ZFYVE28: variants seen among roughly 807,000 people sequenced by gnomAD.
ZFYVE28 encodes the protein zinc finger FYVE-type containing 28.
Under a neutral mutation model 82.1 loss-of-function variants are expected in ZFYVE28, and 40 were observed. The ratio of observed to expected loss-of-function variants is 0.49; its 90% confidence interval spans 0.38 to 0.63. The LOEUF is 0.63. Ranked by LOEUF, ZFYVE28 falls within the 30% of genes least tolerant of loss-of-function variation. The pLI is 0.00. For synonymous variants in ZFYVE28, 612 were observed against 546.1 expected (o/e 1.12, Z -1.68); for missense variants, 1,321 against 1,242.1 (o/e 1.06, Z -0.96).
chr4:2,299,508 C>A (rs1356953384), intron 8 of ZFYVE28, among the ~76,000 whole-genome samples: 1 of 146,320 alleles, frequency 6.8e-6, no homozygotes, highest in Non-Finnish European at 1.5e-5. Flanking sequence ...AATCTCAGCA[C>A]CTTGGGAGGC....
intron 1 of ZFYVE28, among the ~76,000 whole-genome samples, chr4:2,379,882 G>A (rs1034382555): frequency 6.6e-6 from 1 of 151,922 alleles, no homozygotes; most frequent in Non-Finnish European, 1.5e-5. Context: ...CCATCTCCCG[G>A]GTTCAAGCAA....
chr4:2,414,509 C>T (rs1732837306), intron 1 of ZFYVE28, among the ~76,000 whole-genome samples: 1 of 152,122 alleles, frequency 6.6e-6, no homozygotes, highest in African/African-American at 2.4e-5. Flanking sequence ...GGTTAATAGC[C>T]CCCACTCTGA....
chr4:2,308,674 A>AG (rs1560182339), intron 7 of ZFYVE28, among the ~76,000 whole-genome samples: 39 of 108,012 alleles, frequency 3.6e-4, no homozygotes, highest in African/African-American at 1.3e-3. Context: ...AGAAAGAAAG[A>AG]AAGAGAAAGA....
chr4:2,418,593 C>G lies in ZFYVE28; in HGVS notation c.-270G>C, dbSNP rs1362092469. 1 of 153,652 alleles carries G rather than the reference C, an allele frequency of 6.5e-6. No individual in the cohort carries two copies. Among genetic ancestry groups the G allele is most frequent in the East Asian group, 1.9e-4 (1 of 5,298 alleles). 9.5% of individuals were successfully genotyped at this position (153,652 alleles called of 1,614,324 possible). On this transcript the variant is annotated 5_prime_UTR_variant, in exon 1 of 13. Coordinates refer to ENST00000290974, the MANE Select transcript of ZFYVE28 (RefSeq NM_020972.3). The surrounding 1 kb of genome is among the most constrained non-coding windows in gnomAD (Gnocchi z 4.6). ...TCGGGCGCACGGACAGACGCGGGCA[C>G]GGGGGCGCGCGGCTCCTCGCTGCTC...
chr4:2,279,581 C>T (rs1711649112), intron 8 of ZFYVE28, among the ~76,000 whole-genome samples: 1 of 152,106 alleles, frequency 6.6e-6, no homozygotes, highest in African/African-American at 2.4e-5. Flanking sequence ...AGATCGAGAC[C>T]ATCCTGGCTA....
intron 7 of ZFYVE28, among the ~76,000 whole-genome samples, chr4:2,309,543 T>G (rs1717184729): frequency 6.6e-6 from 1 of 152,272 alleles, no homozygotes; most frequent in Non-Finnish European, 1.5e-5. Flanking sequence ...AAGATGCTCC[T>G]GAGTTTCCTA....
intron 1 of ZFYVE28, among the ~76,000 whole-genome samples, chr4:2,400,443 C>T (rs1195995442): frequency 6.6e-6 from 1 of 151,346 alleles, no homozygotes; most frequent in Non-Finnish European, 1.5e-5. Context: ...CACCGCAATT[C>T]GACAGTAGCC....
rs1390725344 is a variant in ZFYVE28 at position 2,339,910 on chromosome 4, G to A, written c.319-255C>T. 2.0e-5 allele frequency among the ~76,000 whole-genome samples: 3 copies of A among 150,444 alleles called. No individual in the cohort carries two copies. Among genetic ancestry groups the A allele is most frequent in the Non-Finnish European group, 3.0e-5 (2 of 67,264 alleles). Reference sequence around the variant, plus strand: ...GAGCAGGGAGGGCAGGGCATGGCAGGGCAGGTAAGGGCAGGGGAGGGGAGG... The same window carrying A: ...GAGCAGGGAGGGCAGGGCATGGCAGAGCAGGTAAGGGCAGGGGAGGGGAGG... On this transcript the variant is annotated intron_variant, in intron 3 of 12. Coordinates refer to ENST00000290974, the MANE Select transcript of ZFYVE28 (RefSeq NM_020972.3). The surrounding 1 kb of genome is among the most constrained non-coding windows in gnomAD (Gnocchi z 5.0).
intron 6 of ZFYVE28, among the ~76,000 whole-genome samples, chr4:2,323,827 A>G (rs1206750153): frequency 6.6e-6 from 1 of 151,692 alleles, no homozygotes; most frequent in African/African-American, 2.4e-5. Flanking sequence ...GTTTACTGAG[A>G]ATGATGGTTT....
intron 1 of ZFYVE28, among the ~76,000 whole-genome samples, chr4:2,387,025 G>C (rs920620206): frequency 4.6e-5 from 7 of 152,082 alleles, no homozygotes; most frequent in Non-Finnish European, 1.0e-4. Context: ...CACAGCCAGG[G>C]GGTTGGACGG....
intron 6 of ZFYVE28, among the ~76,000 whole-genome samples, chr4:2,326,371 A>C (rs908999925): frequency 6.6e-6 from 1 of 152,098 alleles, no homozygotes; most frequent in African/African-American, 2.4e-5. Flanking sequence ...TGGGCTCTTT[A>C]TTCTGTTCCA....
chr4:2,305,587 C>A (rs1332739156), intron 7 of ZFYVE28, 51 bp from the exon 8 acceptor site: 1 of 1,606,640 alleles, frequency 6.2e-7, no homozygotes, highest in East Asian at 2.2e-5. Context: ...GCCACACCAG[C>A]CTCCTTGGCC....
intron 8 of ZFYVE28, among the ~76,000 whole-genome samples, chr4:2,292,164 C>G (rs1320292138): frequency 6.6e-6 from 1 of 152,198 alleles, no homozygotes; most frequent in Admixed American, 6.5e-5. Context: ...GGGATGGGTC[C>G]TGCAGGCGGC....
chr4:2,272,593 C>T (rs1736011768), intron 10 of ZFYVE28, among the ~76,000 whole-genome samples: 1 of 152,212 alleles, frequency 6.6e-6, no homozygotes, highest in East Asian at 1.9e-4. Context: ...TCTGTGTGAC[C>T]ATGGCTGTGA....
In ZFYVE28 at chr4:2,332,646, C is replaced by T. The variant is rs1720891854; in HGVS notation, c.701+3059G>A. Among the ~76,000 whole-genome samples the T allele has an allele frequency of 6.6e-6, 1 of 152,196 alleles. No homozygotes were observed. ...AGGAAGGAGCAGGTTCTGGGCCCCA[C>T]CACGGGCAGCTGTGGCCTCTGCCTG... is the stretch of plus-strand genomic sequence containing the variant. On this transcript the variant is annotated intron_variant, in intron 6 of 12. Coordinates refer to ENST00000290974, the MANE Select transcript of ZFYVE28 (RefSeq NM_020972.3). This position sits in a 1 kb window ranked among gnomAD's most constrained non-coding sequence, Gnocchi z 4.7.
Position 2,271,759 on chromosome 4 carries a change from C to T in ZFYVE28, c.2344G>A (p.Ala782Thr), listed in dbSNP as rs752119422. Reference protein sequence around the residue: ...LRKVTQTLRSAALEDCALCQE... With the variant: ...LRKVTQTLRSTALEDCALCQE... ...CACAGTGCACAGTCCTCCAAGGCCGCACTCCGCAGAGTCTGGGTGACTAGT... is the reference window on the plus strand; with the variant it reads ...CACAGTGCACAGTCCTCCAAGGCCGTACTCCGCAGAGTCTGGGTGACTAGT... The change falls in exon 11 of 13, where the codon GCG (alanine) becomes ACG (threonine). Residue 782 changes from alanine (A) to threonine (T), a missense_variant. Physicochemically the swap from Ala to Thr is moderately conservative, Grantham distance 58. Coordinates refer to ENST00000290974, the MANE Select transcript of ZFYVE28 (RefSeq NM_020972.3). The T allele has an allele frequency of 4.2e-5, 67 of 1,613,610 alleles. No individual in the cohort carries two copies. Among genetic ancestry groups the T allele is most frequent in the Non-Finnish European group, 4.0e-5 (47 of 1,179,936 alleles).
chr4:2,399,886 C>T (rs1218791317), intron 1 of ZFYVE28, among the ~76,000 whole-genome samples: 1 of 152,254 alleles, frequency 6.6e-6, no homozygotes, highest in Non-Finnish European at 1.5e-5. Context: ...CACGTCAAAG[C>T]TTCCTCAGCA....
At chr4:2,304,187 G>A (rs1560168666) in intron 8 of ZFYVE28, 102 bp downstream of exon 8, 17 of 1,439,378 alleles carry the variant, frequency 1.2e-5, no homozygotes, top group Non-Finnish European at 1.5e-5. Flanking sequence ...CGGTGGCCAA[G>A]ATGGCTCAGG....
chr4:2,302,054 G>C (rs555824116), intron 8 of ZFYVE28, among the ~76,000 whole-genome samples: 1 of 152,372 alleles, frequency 6.6e-6, no homozygotes, highest in South Asian at 2.1e-4. Context: ...TCTCTAGCAA[G>C]CACTGGAGCG....
Sources: gnomAD v4.1 joint callset for allele counts (sites outside exome capture counted in the v4.1 genomes callset) on GRCh38, gnomAD v4.1.1 for gene constraint, Gnocchi (gnomAD v3.1) non-coding constraint, MANE v1.5 for transcripts, NCBI Gene and HGNC (gene_info 2026-07-23, HGNC 2026-07-21) for gene names.